MGMT: variants seen among roughly 807,000 people sequenced by gnomAD.
MGMT encodes the protein methylated-DNA--protein-cysteine methyltransferase.
MGMT carries 14 observed loss-of-function variants against 15.9 expected under a neutral mutation model. The ratio of observed to expected loss-of-function variants is 0.88; its 90% CI spans 0.58 to 1.37. MGMT has a LOEUF of 1.37. Ranked by LOEUF, MGMT falls within the 40% of genes most tolerant of loss-of-function variation. The pLI, the probability that MGMT is intolerant of heterozygous loss-of-function variation, is 0.00. For missense variants in MGMT, 282 were observed against 268.1 expected (o/e 1.05, Z -0.36); for synonymous variants, 130 against 118.2 (o/e 1.10, Z -0.65).
At chr10:129,608,836 G>A (rs959441859) in intron 2 of MGMT, among the ~76,000 whole-genome samples, 3 of 152,242 alleles carry the variant, frequency 2.0e-5, no homozygotes, top group Admixed American at 6.5e-5. Flanking sequence ...GGCCCCGTCC[G>A]CCTTGGCCAC....
chr10:129,683,436 T>G (rs906832242), intron 2 of MGMT, among the ~76,000 whole-genome samples: 1 of 152,180 alleles, frequency 6.6e-6, no homozygotes, highest in Admixed American at 6.5e-5. Flanking sequence ...CATAAAAAAT[T>G]GGTTAAGAAT....
intron 2 of MGMT, among the ~76,000 whole-genome samples, chr10:129,644,769 G>T (rs900327597): frequency 2.6e-5 from 4 of 152,232 alleles, no homozygotes; most frequent in African/African-American, 9.6e-5. Context: ...CTCCTGGACC[G>T]TGGTTAGTGG....
intron 2 of MGMT, among the ~76,000 whole-genome samples, chr10:129,633,033 T>C (rs1394428396): frequency 5.3e-5 from 8 of 152,128 alleles, no homozygotes; most frequent in African/African-American, 1.7e-4. Context: ...ATACAAAATA[T>C]TTGGTGTTTT....
chr10:129,759,330 A>C lies in MGMT; in HGVS notation c.403A>C (p.Arg135=). The C allele has an allele frequency of 6.2e-7, 1 of 1,614,200 alleles. No homozygotes were observed. Among genetic ancestry groups the C allele is most frequent in the South Asian group, 1.1e-5 (1 of 91,080 alleles). The change falls in exon 4 of 5, where the codon AGA becomes CGA. Residue 135 remains arginine (R), a synonymous_variant. Coordinates refer to ENST00000651593, the MANE Select transcript of MGMT (RefSeq NM_002412.5). ...CGCGCGAGCAGTGGGAGGAGCAATG[A>C]GAGGCAATCCTGTGAGTTCTCATGG... ...KAARAVGGAM[R]GNPVPILIPC... is the part of the protein sequence containing the mutation.
intron 2 of MGMT, among the ~76,000 whole-genome samples, chr10:129,591,603 C>T (rs1008613473): frequency 6.6e-5 from 10 of 152,184 alleles, no homozygotes; most frequent in East Asian, 1.9e-4. Context: ...CTCACCACCA[C>T]GCGTTTGCAG....
At chr10:129,496,223 C>T (rs1403129240) in intron 1 of MGMT, among the ~76,000 whole-genome samples, 1 of 152,180 alleles carries the variant, frequency 6.6e-6, no homozygotes, top group African/African-American at 2.4e-5. Flanking sequence ...GAATTTTCAT[C>T]GTCACGCTTA....
chr10:129,731,593 A>G (rs902958533), intron 3 of MGMT, among the ~76,000 whole-genome samples: 1 of 151,960 alleles, frequency 6.6e-6, no homozygotes, highest in South Asian at 2.1e-4. Context: ...TTGCGGTTTC[A>G]CCATTTTGGC....
At chr10:129,592,072 A>G (rs1409922116) in intron 2 of MGMT, among the ~76,000 whole-genome samples, 1 of 152,224 alleles carries the variant, frequency 6.6e-6, no homozygotes, top group Non-Finnish European at 1.5e-5. Context: ...TCTGCCATGG[A>G]CCAAAGCAGG....
At chr10:129,676,251 GC>G (rs60091796) in intron 2 of MGMT, among the ~76,000 whole-genome samples, 1 of 152,178 alleles carries the variant, frequency 6.6e-6, no homozygotes, top group South Asian at 2.1e-4. Flanking sequence ...CCCTGTGGCC[GC>G]CCCCCGACCT....
chr10:129,593,664 CGTAA>C (rs1846716561), intron 2 of MGMT, among the ~76,000 whole-genome samples: 1 of 152,214 alleles, frequency 6.6e-6, no homozygotes, highest in African/African-American at 2.4e-5. Context: ...GTGGCTGAGG[CGTAA>C]GTCTCAATCA....
intron 2 of MGMT, among the ~76,000 whole-genome samples, chr10:129,639,841 T>C (rs1300036965): frequency 6.7e-6 from 1 of 148,792 alleles, no homozygotes; most frequent in Non-Finnish European, 1.5e-5. Flanking sequence ...AAAACAAAGA[T>C]GAATAAACAT....
intron 2 of MGMT, among the ~76,000 whole-genome samples, chr10:129,683,106 C>T (rs747052343): frequency 7.2e-5 from 11 of 152,254 alleles, no homozygotes; most frequent in Non-Finnish European, 4.4e-5. Context: ...GCCTCGGCCT[C>T]CCTAAGTGCC....
chr10:129,555,222 G>C (rs1244802849), intron 2 of MGMT, among the ~76,000 whole-genome samples: 2 of 152,170 alleles, frequency 1.3e-5, no homozygotes, highest in African/African-American at 4.8e-5. Context: ...TTTGAGCCGG[G>C]AGCCCTCGCA....
At chr10:129,731,017 C>G (rs976912249) in intron 3 of MGMT, among the ~76,000 whole-genome samples, 1 of 152,172 alleles carries the variant, frequency 6.6e-6, no homozygotes, top group East Asian at 1.9e-4. Context: ...TGGTGCCTCA[C>G]CTCCAGGAGC....
intron 2 of MGMT, chr10:129,701,397 G>T (rs147536805): frequency 6.6e-6 from 1 of 152,342 alleles, no homozygotes; most frequent in East Asian, 1.9e-4. Context: ...GCCCGATGGT[G>T]CCTCAGATGT....
At chr10:129,649,921 T>G (rs1847437270) in intron 2 of MGMT, among the ~76,000 whole-genome samples, 1 of 152,366 alleles carries the variant, frequency 6.6e-6, no homozygotes, top group Admixed American at 6.5e-5. Context: ...CTTCTCCACA[T>G]TCTGCCTGTA....
At chr10:129,583,952 C>T (rs1230652601) in intron 2 of MGMT, among the ~76,000 whole-genome samples, 4 of 152,124 alleles carry the variant, frequency 2.6e-5, no homozygotes, top group Non-Finnish European at 5.9e-5. Context: ...ACGTGGAGCA[C>T]CAGGTCATCA....
chr10:129,691,064 G>A (rs973658095), intron 2 of MGMT, among the ~76,000 whole-genome samples: 1 of 152,228 alleles, frequency 6.6e-6, no homozygotes, highest in African/African-American at 2.4e-5. Flanking sequence ...ATGTTGCAAA[G>A]CAGAAACCAA....
intron 2 of MGMT, among the ~76,000 whole-genome samples, chr10:129,632,779 CT>C (rs1255452919): frequency 6.6e-6 from 1 of 151,640 alleles, no homozygotes; most frequent in Non-Finnish European, 1.5e-5. Context: ...CTGGGAGTGA[CT>C]GGGTGTCTTT....
Sources: allele counts gnomAD v4.1 joint callset (sites outside exome capture counted in the v4.1 genomes callset), GRCh38; gene constraint gnomAD v4.1.1; transcripts MANE v1.5; gene names NCBI Gene and HGNC (gene_info 2026-07-23, HGNC 2026-07-21).